The following BECN1 variants were observed in gnomAD, a reference collection of about 807,000 sequenced individuals.
BECN1 encodes beclin-1.
BECN1 carries 15 observed loss-of-function variants against 60.1 expected under a neutral mutation model. The ratio of observed to expected loss-of-function variants is 0.25; its 90% CI spans 0.17 to 0.38. BECN1 has a LOEUF of 0.38. BECN1 is among the 10% of genes least tolerant of loss of function. The probability of loss-of-function intolerance (pLI) is 1.00; values close to 1 mark genes in which losing one functional copy is unlikely to be tolerated. For missense variants in BECN1, 424 were observed against 548.2 expected (o/e 0.77, Z 2.26); for synonymous variants, 179 against 201.8 (o/e 0.89, Z 0.96).
At chr17:42,818,196 A>T in intron 7 of BECN1, 25 bp downstream of exon 7, 1 of 1,608,392 alleles carries the variant, frequency 6.2e-7, no homozygotes, top group East Asian at 2.2e-5. Context: ...CGAGTGTGAG[A>T]AGATAGAACA....
chr17:42,811,044 T>G (rs1003972017), intron 11 of BECN1, 116 bp from the exon 12 acceptor site: 1 of 1,102,672 alleles, frequency 9.1e-7, no homozygotes, highest in African/African-American at 1.6e-5. Context: ...GAACACTTGG[T>G]GAGGAATGAT....
At chr17:42,823,593 G>T (rs2055319207) in intron 2 of BECN1, 155 bp downstream of exon 2, 4 of 1,141,350 alleles carry the variant, frequency 3.5e-6, no homozygotes, top group Non-Finnish European at 4.8e-6. Flanking sequence ...AATGCTTTAT[G>T]TTTCCAAGGA....
At chr17:42,820,999 C>T (rs1439947671) in intron 2 of BECN1, among the ~76,000 whole-genome samples, 158 bp from the exon 3 acceptor site, 3 of 152,162 alleles carry the variant, frequency 2.0e-5, no homozygotes, top group African/African-American at 7.2e-5. Context: ...GTCTTCCTCA[C>T]CCCCATTAAA....
At chr17:42,811,584 A>C in intron 11 of BECN1, 71 bp downstream of exon 11, 1 of 1,547,644 alleles carries the variant, frequency 6.5e-7, no homozygotes, top group Non-Finnish European at 8.7e-7. Context: ...TTTTGCCTCC[A>C]TTATTACTGC....
At chr17:42,820,749 A>G (rs2055246042) in intron 3 of BECN1, 25 bp downstream of exon 3, 1 of 1,551,548 alleles carries the variant, frequency 6.4e-7, no homozygotes, top group South Asian at 1.2e-5. Flanking sequence ...CATGAGGAGG[A>G]TAGGGGAGAG....
intron 10 of BECN1, 89 bp from the exon 11 acceptor site, chr17:42,811,886 G>T: frequency 6.7e-7 from 1 of 1,481,672 alleles, no homozygotes; most frequent in Non-Finnish European, 9.1e-7. Flanking sequence ...CTCAAGTCAT[G>T]TTCTGTCTGT....
In BECN1 at chr17:42,818,697, G is replaced by C. The variant is rs1438735518; in HGVS notation, c.352-17C>G. 1 of 1,614,134 alleles carries C rather than the reference G, an allele frequency of 6.2e-7. No homozygotes were observed. The highest frequency in any genetic ancestry group is 2.2e-5 in the East Asian group (1 of 44,880). ...CCCAGTGACCTGGAAGTGTGGGAGAGTCAGGGTAGGGCCTCCCCCATGCTT... is the reference window on the plus strand; with the variant it reads ...CCCAGTGACCTGGAAGTGTGGGAGACTCAGGGTAGGGCCTCCCCCATGCTT... On this transcript the variant is annotated splice_polypyrimidine_tract_variant and intron_variant, in intron 5 of 11. Coordinates refer to ENST00000590099, the MANE Select transcript of BECN1 (RefSeq NM_001313998.2).
At chr17:42,821,303 T>TC (rs879419042) in intron 2 of BECN1, among the ~76,000 whole-genome samples, 3 of 152,080 alleles carry the variant, frequency 2.0e-5, no homozygotes, top group Admixed American at 2.0e-4. Context: ...GATCCACCCG[T>TC]CTCAGCTACC....
intron 10 of BECN1, 74 bp from the exon 11 acceptor site, chr17:42,811,871 A>T: frequency 6.5e-7 from 1 of 1,539,346 alleles, no homozygotes; most frequent in Non-Finnish European, 8.8e-7. Flanking sequence ...CAATCCTATC[A>T]ATCTCTCAAG....
chr17:42,822,200 TCAAA>T (rs573310155), intron 2 of BECN1, among the ~76,000 whole-genome samples: 216 of 152,258 alleles, frequency 1.4e-3, no homozygotes, highest in East Asian at 6.4e-3. Context: ...AGACTCCGTC[TCAAA>T]CAAACAAACA....
At chr17:42,814,040 A>G (rs1185424788) in intron 9 of BECN1, 32 bp from the exon 10 acceptor site, 1 of 1,464,278 alleles carries the variant, frequency 6.8e-7, no homozygotes, top group South Asian at 1.2e-5. Flanking sequence ...AGATGGATAC[A>G]GGACTCCTCC....
chr17:42,811,758 A>AG lies in BECN1; in HGVS notation c.1080dup (p.Trp361LeufsTer6), dbSNP rs1452888085. On this transcript the variant is annotated frameshift_variant, in exon 11 of 12. Transcript: ENST00000590099. LOFTEE classifies it high-confidence loss of function. ...ATTGCATGGTCAAACTTGTTGTCCC[A>AG]GAAAAACCGCAACCCCCCAGAACAG... is the stretch of plus-strand genomic sequence containing the variant. 1 of 1,614,108 alleles carries AG rather than the reference A, an allele frequency of 6.2e-7. No homozygotes were observed. The highest frequency in any genetic ancestry group is 1.3e-5 in the African/African-American group (1 of 74,928).
chr17:42,811,828 C>A, intron 10 of BECN1, 31 bp from the exon 11 acceptor site: 1 of 1,600,248 alleles, frequency 6.2e-7, no homozygotes, highest in Non-Finnish European at 8.5e-7. Context: ...GGCTATGGAT[C>A]TGGCACCAAG....
At position 42,818,779 on chromosome 17, in the gene BECN1, C is replaced by T. The variant is rs371048902; in HGVS notation, c.351+8G>A. ...CTACTGCTTGCCACCGGAATGGGGCCGACTTGCCTTCAGTCTTCGGCTGAG... is the reference window on the plus strand; with the variant it reads ...CTACTGCTTGCCACCGGAATGGGGCTGACTTGCCTTCAGTCTTCGGCTGAG... On this transcript the variant is annotated splice_region_variant and intron_variant, in intron 5 of 11. Transcript: ENST00000590099. 271 of 1,613,958 alleles carry T rather than the reference C, an allele frequency of 1.7e-4. No individual in the cohort carries two copies. The highest frequency in any genetic ancestry group is 2.2e-4 in the Non-Finnish European group (259 of 1,179,990).
chr17:42,817,218 G>A (rs1186245492), intron 7 of BECN1, among the ~76,000 whole-genome samples: 1 of 151,148 alleles, frequency 6.6e-6, no homozygotes, highest in Non-Finnish European at 1.5e-5. Context: ...TTGCTTAGGT[G>A]TAGGAAGTCA....
chr17:42,818,072 G>C, intron 7 of BECN1, 149 bp downstream of exon 7: 1 of 773,692 alleles, frequency 1.3e-6, no homozygotes, highest in Non-Finnish European at 2.0e-6. Context: ...TCTAGAAAAA[G>C]GGCATGGAAG....
At chr17:42,816,295 C>A (rs1187418917) in intron 7 of BECN1, among the ~76,000 whole-genome samples, 1 of 152,162 alleles carries the variant, frequency 6.6e-6, no homozygotes, top group South Asian at 2.1e-4. Context: ...AGAATTCTCC[C>A]AAACCAGGGC....
At chr17:42,814,410 A>T (rs1203010367) in intron 9 of BECN1, 114 bp downstream of exon 9, 3 of 1,414,972 alleles carry the variant, frequency 2.1e-6, no homozygotes, top group Non-Finnish European at 2.9e-6. Context: ...AGCCACAGAA[A>T]ACTCCCAGTC....
Position 42,811,636 on chromosome 17 carries a change from A to G in BECN1, c.1184+19T>C, listed in dbSNP as rs2055009218. 2 of 1,602,070 alleles carry G rather than the reference A, an allele frequency of 1.2e-6. No homozygotes were observed. Among genetic ancestry groups the G allele is most frequent in the Non-Finnish European group, 1.7e-6 (2 of 1,175,038 alleles). ...AATTTGGTCCTATACAAGTTCACTC[A>G]GCATTGCGCTATACTGACCTGTAGG... On this transcript the variant is annotated intron_variant, in intron 11 of 11. Coordinates refer to ENST00000590099, the MANE Select transcript of BECN1 (RefSeq NM_001313998.2).
Sources: allele counts gnomAD v4.1 joint callset (sites outside exome capture counted in the v4.1 genomes callset), GRCh38; gene constraint gnomAD v4.1.1; transcripts MANE v1.5; gene names NCBI Gene and HGNC (gene_info 2026-07-23, HGNC 2026-07-21).